The following CEACAM21 variants were observed in gnomAD, a reference collection of about 807,000 sequenced individuals.
CEACAM21 encodes the protein CEA cell adhesion molecule 21.
In CEACAM21, 38 loss-of-function variants were observed where a neutral mutation model predicts 33.2. The ratio of observed to expected loss-of-function variants is 1.14; its 90% CI spans 0.88 to 1.50. CEACAM21 has a LOEUF of 1.50. CEACAM21 is among the 40% of genes most tolerant of loss of function. The pLI, the probability that CEACAM21 is intolerant of heterozygous loss-of-function variation, is 0.00. For synonymous variants in CEACAM21, 156 were observed against 143.0 expected (o/e 1.09, Z -0.65); for missense variants, 385 against 364.6 (o/e 1.06, Z -0.46).
upstream of CEACAM21, among the ~76,000 whole-genome samples, chr19:41,575,098 G>A (rs183470596): frequency 3.3e-4 from 50 of 152,200 alleles, no homozygotes; most frequent in Non-Finnish European, 5.6e-4. Flanking sequence ...AATAATACAC[G>A]TATATAATTC....
chr19:41,563,030 A>C (rs1241153680), intron 1 of CEACAM21, among the ~76,000 whole-genome samples: 1 of 152,174 alleles, frequency 6.6e-6, no homozygotes, highest in Admixed American at 6.5e-5. Context: ...GCCCAGCCTC[A>C]GTATTTCATT....
chr19:41,574,701 A>G (rs1407369940), upstream of CEACAM21, among the ~76,000 whole-genome samples: 1 of 152,240 alleles, frequency 6.6e-6, no homozygotes, highest in Non-Finnish European at 1.5e-5. Flanking sequence ...AAGTGTTTAC[A>G]AGAATGTAGA....
intron 1 of CEACAM21, chr19:41,550,424 A>G (rs1334702267): frequency 6.6e-6 from 1 of 152,248 alleles, no homozygotes; most frequent in Non-Finnish European, 1.5e-5. Context: ...TCTCTCCTCA[A>G]TGGAAAAAAT....
chr19:41,561,291 T>C (rs888480684), intron 1 of CEACAM21, among the ~76,000 whole-genome samples: 1 of 152,132 alleles, frequency 6.6e-6, no homozygotes, highest in Admixed American at 6.5e-5. Flanking sequence ...TACAAGCCAC[T>C]GTACCCAAAA....
At chr19:41,555,992 C>A (rs1158476797) in intron 1 of CEACAM21, among the ~76,000 whole-genome samples, 1 of 152,162 alleles carries the variant, frequency 6.6e-6, no homozygotes, top group Non-Finnish European at 1.5e-5. Flanking sequence ...AAGCAATCAG[C>A]CAAGATGAAA....
chr19:41,554,121 G>A (rs924529079), intron 1 of CEACAM21, among the ~76,000 whole-genome samples: 20 of 151,998 alleles, frequency 1.3e-4, no homozygotes, highest in African/African-American at 4.8e-4. Flanking sequence ...GATCACTTCA[G>A]CCTCCTATTA....
chr19:41,577,401 G>A lies in CEACAM21; in HGVS notation c.266G>A (p.Arg89Lys), dbSNP rs1027717616. Residue 89 changes from arginine to lysine, a missense_variant, in exon 2 of 7, where the codon AGG becomes AAG. Transcript: ENST00000401445. ...IAAYVIDTHV[R>K]TPGPAYSGRE... is the part of the protein sequence containing the mutation. Reference sequence around the variant, plus strand: ...GCATATGTAATAGACACTCACGTTAGGACTCCAGGGCCTGCATACAGCGGT... The same window carrying A: ...GCATATGTAATAGACACTCACGTTAAGACTCCAGGGCCTGCATACAGCGGT... The A allele has an allele frequency of 6.2e-7, 1 of 1,614,116 alleles. No individual in the cohort carries two copies. The highest frequency in any genetic ancestry group is 8.5e-7 in the Non-Finnish European group (1 of 1,180,028).
chr19:41,579,197 A>G (rs2043178015), intron 2 of CEACAM21, 156 bp from the exon 3 acceptor site: 2 of 1,218,494 alleles, frequency 1.6e-6, no homozygotes. Context: ...TGTAGTCCCT[A>G]CTGCTCGCTG....
chr19:41,586,641 G>A lies in CEACAM21; in HGVS notation c.*178G>A, dbSNP rs1434777580. 3.7e-6 allele frequency: 2 copies of A among 545,722 alleles called. No individual in the cohort carries two copies. Among genetic ancestry groups the A allele is most frequent in the Non-Finnish European group, 7.1e-6 (2 of 281,692 alleles). 33.8% of individuals were successfully genotyped at this position (545,722 alleles called of 1,614,324 possible). On this transcript the variant is annotated 3_prime_UTR_variant, in exon 7 of 7. Coordinates refer to ENST00000401445, the MANE Select transcript of CEACAM21 (RefSeq NM_001098506.4). ...CAGAGAACCAGCTCTGAGTCCTGAGGAGACACAGGCCTGGGGACAGGAAGG... is the reference window on the plus strand; with the variant it reads ...CAGAGAACCAGCTCTGAGTCCTGAGAAGACACAGGCCTGGGGACAGGAAGG...
intron 1 of CEACAM21, among the ~76,000 whole-genome samples, chr19:41,562,277 AG>A (rs141138396): frequency 0.077 from 11,650 of 151,654 alleles, 1,360 homozygotes; most frequent in African/African-American, 0.25. Flanking sequence ...AAAGAAAGAA[AG>A]AAAAAACACT....
intron 2 of CEACAM21, among the ~76,000 whole-genome samples, chr19:41,577,969 T>A (rs570921443): frequency 6.6e-6 from 1 of 152,176 alleles, no homozygotes; most frequent in Non-Finnish European, 1.5e-5. Context: ...TGACTCCAGA[T>A]GACCCTGGGG....
At chr19:41,577,661 G>C in intron 2 of CEACAM21, 102 bp downstream of exon 2, 1 of 1,537,140 alleles carries the variant, frequency 6.5e-7, no homozygotes, top group Non-Finnish European at 8.8e-7. Context: ...TCTGCATTAC[G>C]TCCCATGTTG....
intron 1 of CEACAM21, among the ~76,000 whole-genome samples, chr19:41,557,716 T>A (rs1451289564): frequency 6.6e-6 from 1 of 152,222 alleles, no homozygotes; most frequent in Admixed American, 6.5e-5. Flanking sequence ...GCAAGTGAAC[T>A]GGCATTTCCT....
At chr19:41,562,581 A>G (rs2041958130) in intron 1 of CEACAM21, among the ~76,000 whole-genome samples, 1 of 152,214 alleles carries the variant, frequency 6.6e-6, no homozygotes, top group Admixed American at 6.5e-5. Context: ...CATGAGAGAA[A>G]TAAAATGTGG....
chr19:41,572,733 C>T (rs575011149), upstream of CEACAM21, among the ~76,000 whole-genome samples: 6 of 152,232 alleles, frequency 3.9e-5, no homozygotes, highest in East Asian at 1.9e-4. Flanking sequence ...GCATAGAATC[C>T]GGCCCTGAAT....
At chr19:41,577,660 C>A (rs1015437347) in intron 2 of CEACAM21, 101 bp downstream of exon 2, 3 of 1,541,418 alleles carry the variant, frequency 1.9e-6, no homozygotes, top group South Asian at 1.2e-5. Context: ...CTCTGCATTA[C>A]GTCCCATGTT....
chr19:41,550,962 C>T (rs1386742241), intron 1 of CEACAM21, among the ~76,000 whole-genome samples: 1 of 152,078 alleles, frequency 6.6e-6, no homozygotes, highest in African/African-American at 2.4e-5. Flanking sequence ...TGTTGAACTT[C>T]CATCCTGAGA....
intron 2 of CEACAM21, among the ~76,000 whole-genome samples, chr19:41,565,988 A>T (rs1365572421): frequency 1.3e-5 from 2 of 151,620 alleles, no homozygotes; most frequent in Non-Finnish European, 2.9e-5. Context: ...GGGGTTCTGG[A>T]GGATTGATGG....
intron 3 of CEACAM21, among the ~76,000 whole-genome samples, chr19:41,582,097 C>T (rs1364356996): frequency 6.6e-6 from 1 of 152,236 alleles, no homozygotes; most frequent in African/African-American, 2.4e-5. Context: ...TAAATACAAC[C>T]ATTCCAAATG....
Sources: allele counts gnomAD v4.1 joint callset (sites outside exome capture counted in the v4.1 genomes callset), GRCh38; gene constraint gnomAD v4.1.1; transcripts MANE v1.5; gene names NCBI Gene and HGNC (gene_info 2026-07-23, HGNC 2026-07-21).